Variants in ALPK1 observed in about 807,000 individuals in gnomAD.
ALPK1 encodes the protein alpha-protein kinase 1.
In ALPK1, 110 loss-of-function variants were observed where a neutral mutation model predicts 120.6. That is an observed-to-expected ratio of 0.91 (90% CI 0.78 to 1.07). The LOEUF (loss-of-function observed/expected upper bound fraction) is 1.07, where lower values mean the gene tolerates loss of function less well. Among genes scored for constraint, ALPK1 ranks in the 50% least tolerant of loss-of-function variants. ALPK1 has a pLI of 0.00. For synonymous variants in ALPK1, 582 were observed against 560.3 expected, an observed-to-expected ratio of 1.04 and a Z score of -0.55; for missense variants, 1,498 against 1,483.9, an observed-to-expected ratio of 1.01 and a Z score of -0.16.
At chr4:112,356,143 G>C in intron 2 of ALPK1, 1 of 1,600,196 alleles carries the variant, frequency 6.2e-7, no homozygotes, top group South Asian at 1.1e-5. Flanking sequence ...ATATGCCCAA[G>C]ATAGTCCTGA....
intron 2 of ALPK1, among the ~76,000 whole-genome samples, chr4:112,350,722 A>G (rs1730317343): frequency 6.6e-6 from 1 of 152,194 alleles, no homozygotes; most frequent in Non-Finnish European, 1.5e-5. Flanking sequence ...TTTGGAAGTC[A>G]TTCAGCTTAC....
chr4:112,311,337 T>G (rs1728392136), intron 1 of ALPK1, among the ~76,000 whole-genome samples: 1 of 152,238 alleles, frequency 6.6e-6, no homozygotes, highest in Admixed American at 6.5e-5. Flanking sequence ...TTGTTCTGTG[T>G]GTCAGCCTTT....
At chr4:112,324,469 T>C (rs889408769) in intron 2 of ALPK1, among the ~76,000 whole-genome samples, 2 of 151,234 alleles carry the variant, frequency 1.3e-5, no homozygotes, top group Non-Finnish European at 3.0e-5. Context: ...TGTTTGTTTG[T>C]TTTGTTTTGT....
chr4:112,327,920 G>A (rs1578468555), intron 2 of ALPK1, among the ~76,000 whole-genome samples: 1 of 152,174 alleles, frequency 6.6e-6, no homozygotes, highest in Non-Finnish European at 1.5e-5. Flanking sequence ...CAGTAGTTAC[G>A]CAGTAATAGT....
At chr4:112,338,684 A>T (rs1190299946) in intron 2 of ALPK1, among the ~76,000 whole-genome samples, 1 of 152,230 alleles carries the variant, frequency 6.6e-6, no homozygotes, top group Admixed American at 6.5e-5. Flanking sequence ...AGTATGTTTT[A>T]CCTTGGAAGT....
intron 1 of ALPK1, among the ~76,000 whole-genome samples, chr4:112,305,962 C>T (rs1409410153): frequency 2.0e-5 from 3 of 151,994 alleles, no homozygotes; most frequent in South Asian, 2.1e-4. Flanking sequence ...GCATGAAGGG[C>T]TGTTGACTTT....
At chr4:112,350,154 C>T (rs1035291557) in intron 2 of ALPK1, among the ~76,000 whole-genome samples, 3 of 152,196 alleles carry the variant, frequency 2.0e-5, no homozygotes, top group Non-Finnish European at 4.4e-5. Context: ...CCTGTTATTT[C>T]AGAGCCCCCA....
At chr4:112,361,132 T>C (rs1306930849) in intron 2 of ALPK1, among the ~76,000 whole-genome samples, 1 of 151,836 alleles carries the variant, frequency 6.6e-6, no homozygotes, top group Non-Finnish European at 1.5e-5. Context: ...CAGAACAGCA[T>C]GCAGAGACCC....
chr4:112,402,433 G>A (rs537592469), intron 4 of ALPK1, among the ~76,000 whole-genome samples: 2 of 152,342 alleles, frequency 1.3e-5, no homozygotes, highest in African/African-American at 4.8e-5. Flanking sequence ...TGTTTAGCAA[G>A]AGCCCTTAGA....
At chr4:112,313,991 G>A (rs766036954) in intron 1 of ALPK1, among the ~76,000 whole-genome samples, 24 of 152,198 alleles carry the variant, frequency 1.6e-4, no homozygotes, top group Non-Finnish European at 2.5e-4. Flanking sequence ...TTTGTAAACA[G>A]ATAGGAATGA....
chr4:112,430,675 T>C lies in ALPK1; in HGVS notation c.1128T>C (p.His376=), dbSNP rs750802950. ...TCCATGGGGAGACAGGGACGGTCCA[T>C]GCAGCAAGTCAGCTCTGTAAGGAAG... ...RRLHGETGTV[H]AASQLCKEAM... is the part of the protein sequence containing the mutation. The change falls in exon 11 of 16, where the codon CAT becomes CAC. Residue 376 remains histidine, a synonymous_variant. Coordinates refer to ENST00000650871, the MANE Select transcript of ALPK1 (RefSeq NM_025144.4). 1.2e-6 allele frequency: 2 copies of C among 1,614,198 alleles called. No individual in the cohort carries two copies. Among genetic ancestry groups the C allele is most frequent in the Non-Finnish European group, 1.7e-6 (2 of 1,180,020 alleles).
In ALPK1 at chr4:112,392,407, C is replaced by T. The variant is rs17628211; in HGVS notation, c.276+9855C>T. Among the ~76,000 whole-genome samples the T allele has an allele frequency of 4.9e-3, 747 of 152,316 alleles. 16 individuals are homozygous for T. The East Asian group carries it at 0.059, about 12-fold the overall frequency. ...TTTCCTCTTAGATGTCTCTCAAACA[C>T]ATTTTCCTTTCCCTAATCCTACTGT... On this transcript the variant is annotated intron_variant, in intron 4 of 15. Coordinates refer to ENST00000650871, the MANE Select transcript of ALPK1 (RefSeq NM_025144.4).
At chr4:112,325,050 A>G (rs1442216695) in intron 2 of ALPK1, among the ~76,000 whole-genome samples, 1 of 152,146 alleles carries the variant, frequency 6.6e-6, no homozygotes, top group East Asian at 1.9e-4. Context: ...AGGAAAAATC[A>G]GAAGAATAAC....
intron 1 of ALPK1, among the ~76,000 whole-genome samples, chr4:112,314,732 A>G (rs1728558460): frequency 1.3e-5 from 2 of 152,178 alleles, no homozygotes; most frequent in African/African-American, 2.4e-5. Context: ...GGAGTGTGTG[A>G]AAGCAAGGTT....
intron 2 of ALPK1, among the ~76,000 whole-genome samples, chr4:112,349,254 T>C (rs1214493161): frequency 2.0e-5 from 3 of 152,200 alleles, no homozygotes; most frequent in African/African-American, 7.2e-5. Flanking sequence ...TACGTGACTT[T>C]ATACTGGAAA....
intron 1 of ALPK1, among the ~76,000 whole-genome samples, chr4:112,307,346 T>C (rs1728131595): frequency 6.6e-6 from 1 of 152,100 alleles, no homozygotes; most frequent in African/African-American, 2.4e-5. Flanking sequence ...ATGTTGACAG[T>C]GGGGTGTTAA....
chr4:112,385,816 A>G (rs1732128549), intron 4 of ALPK1, among the ~76,000 whole-genome samples: 1 of 152,216 alleles, frequency 6.6e-6, no homozygotes, highest in African/African-American at 2.4e-5. Flanking sequence ...ATTCTCATGT[A>G]AAAAATATTT....
At chr4:112,357,634 A>G (rs916384834) in intron 2 of ALPK1, 12 of 1,608,008 alleles carry the variant, frequency 7.5e-6, no homozygotes, top group Admixed American at 6.7e-5. Flanking sequence ...CCCACACATC[A>G]TCGACAAGCA....
chr4:112,349,485 A>G (rs1330283928), intron 2 of ALPK1, among the ~76,000 whole-genome samples: 2 of 151,662 alleles, frequency 1.3e-5, no homozygotes, highest in Admixed American at 1.3e-4. Flanking sequence ...TGTGTTTTAC[A>G]TATGTTAATT....
Sources: allele counts gnomAD v4.1 joint callset (sites outside exome capture counted in the v4.1 genomes callset), GRCh38; gene constraint gnomAD v4.1.1; transcripts MANE v1.5; gene names NCBI Gene and HGNC (gene_info 2026-07-23, HGNC 2026-07-21).